GULP1: variants seen among roughly 807,000 people sequenced by gnomAD.
GULP1 encodes GULP PTB domain containing engulfment adaptor 1.
Under a neutral mutation model 40.9 loss-of-function variants are expected in GULP1, and 19 were observed. The observed-to-expected ratio is 0.46, with a 90% CI of 0.32 to 0.68. The LOEUF (loss-of-function observed/expected upper bound fraction) is 0.68. GULP1 is among the 30% of genes least tolerant of loss of function. The probability of loss-of-function intolerance (pLI) is 0.03; values close to 1 mark genes in which losing one functional copy is unlikely to be tolerated. For synonymous variants in GULP1, 119 were observed against 117.6 expected (o/e 1.01, Z -0.08); for missense variants, 312 against 362.2 (o/e 0.86, Z 1.12).
intron 1 of GULP1, among the ~76,000 whole-genome samples, chr2:188,339,362 A>C (rs1230122922): frequency 6.6e-6 from 1 of 152,138 alleles, no homozygotes; most frequent in Admixed American, 6.5e-5. Context: ...TTTCAAGTTT[A>C]TAGTCACTTG....
intron 1 of GULP1, among the ~76,000 whole-genome samples, chr2:188,312,827 A>C (rs7577265): frequency 0.093 from 14,085 of 151,902 alleles, 1,085 homozygotes; most frequent in African/African-American, 0.2. Context: ...TGACTTTTTA[A>C]TAATCGCCAT....
intron 2 of GULP1, among the ~76,000 whole-genome samples, chr2:188,401,580 T>A (rs1426569662): frequency 6.6e-6 from 1 of 152,116 alleles, no homozygotes. Flanking sequence ...TGAGCATCTT[T>A]TGATTTATGA....
intron 2 of GULP1, among the ~76,000 whole-genome samples, chr2:188,472,523 G>A (rs1055086815): frequency 6.6e-6 from 1 of 151,744 alleles, no homozygotes; most frequent in East Asian, 1.9e-4. Context: ...TTGGCTTCAG[G>A]CTCATTAATT....
chr2:188,466,181 A>G lies in GULP1; in HGVS notation c.-44-11478A>G, dbSNP rs534109257. On this transcript the variant is annotated intron_variant, in intron 2 of 11. Transcript: ENST00000409830. The stretch of plus-strand genomic sequence containing the variant: ...CATTTTTCAGGCTTTCTTTTTGTAG[A>G]GCTCTCAATATCATTTAATCATGTT... Among the ~76,000 whole-genome samples the G allele has an allele frequency of 3.3e-5, 5 of 152,168 alleles. No homozygotes were observed. In the South Asian group the frequency reaches 1.0e-3, roughly 32 times the overall value.
chr2:188,461,688 G>T lies in GULP1; in HGVS notation c.-44-15971G>T, dbSNP rs145777907. 6.2e-3 allele frequency among the ~76,000 whole-genome samples: 939 copies of T among 151,994 alleles called. 13 individuals are homozygous for T. Among genetic ancestry groups the T allele is most frequent in the African/African-American group, 0.022 (903 of 41,434 alleles). ...TGAATTTCTTCCTGGTTCAATCTTG[G>T]TAGGTTGTATGTGTCTAGGAATTTG... On this transcript the variant is annotated intron_variant, in intron 2 of 11. Transcript: ENST00000409830.
At chr2:188,419,548 C>T (rs1348864331) in intron 2 of GULP1, among the ~76,000 whole-genome samples, 1 of 150,288 alleles carries the variant, frequency 6.7e-6, no homozygotes, top group Admixed American at 6.6e-5. Context: ...TTTAATTGGG[C>T]CATTTGTGTT....
intron 7 of GULP1, among the ~76,000 whole-genome samples, chr2:188,562,190 C>T (rs1007678927): frequency 1.3e-5 from 2 of 152,194 alleles, no homozygotes; most frequent in African/African-American, 4.8e-5. Flanking sequence ...CTAGTGCAAG[C>T]TCCCTCCTGG....
intron 1 of GULP1, among the ~76,000 whole-genome samples, chr2:188,358,167 CG>C (rs1009454635): frequency 3.9e-5 from 6 of 152,038 alleles, no homozygotes; most frequent in Admixed American, 3.3e-4. Flanking sequence ...GGTGACAGAG[CG>C]AGACTCCATC....
At chr2:188,344,957 A>G (rs887121253) in intron 1 of GULP1, among the ~76,000 whole-genome samples, 2 of 152,032 alleles carry the variant, frequency 1.3e-5, no homozygotes, top group African/African-American at 4.8e-5. Flanking sequence ...TAAAAAAAGT[A>G]TAGCTTTGTT....
chr2:188,417,390 A>G (rs1247598050), intron 2 of GULP1, among the ~76,000 whole-genome samples: 2 of 152,172 alleles, frequency 1.3e-5, no homozygotes, highest in Non-Finnish European at 2.9e-5. Flanking sequence ...CCTATTCTAG[A>G]TTATGGAAAT....
intron 1 of GULP1, among the ~76,000 whole-genome samples, chr2:188,342,475 C>T (rs2043102885): frequency 6.6e-6 from 1 of 152,044 alleles, no homozygotes; most frequent in African/African-American, 2.4e-5. Flanking sequence ...ATTTTTTTAA[C>T]CTTATGAAGT....
chr2:188,444,721 A>G (rs1329708984), intron 2 of GULP1, among the ~76,000 whole-genome samples: 1 of 152,180 alleles, frequency 6.6e-6, no homozygotes. Context: ...CAAGTTCAGT[A>G]CTTTGTAGAT....
chr2:188,481,808 T>C (rs1035149578), intron 3 of GULP1, among the ~76,000 whole-genome samples: 4 of 151,978 alleles, frequency 2.6e-5, no homozygotes, highest in Non-Finnish European at 5.9e-5. Context: ...GACATCTTAG[T>C]TTTCCTAAAG....
chr2:188,318,160 T>A (rs1299424651), intron 1 of GULP1, among the ~76,000 whole-genome samples: 1 of 152,198 alleles, frequency 6.6e-6, no homozygotes, highest in African/African-American at 2.4e-5. Context: ...GTGCAGTTAT[T>A]CTTGTTCAGA....
At chr2:188,391,549 C>T (rs186239539) in intron 2 of GULP1, among the ~76,000 whole-genome samples, 38 of 152,084 alleles carry the variant, frequency 2.5e-4, no homozygotes, top group African/African-American at 7.7e-4. Context: ...ATTACATCAT[C>T]AGTGAATAGT....
chr2:188,391,076 G>T (rs1038863568), intron 2 of GULP1, among the ~76,000 whole-genome samples: 7 of 151,950 alleles, frequency 4.6e-5, no homozygotes, highest in African/African-American at 7.2e-5. Context: ...GCTTAGGATT[G>T]CTTTGGCTGT....
chr2:188,576,535 T>C (rs1700210511), intron 9 of GULP1, among the ~76,000 whole-genome samples: 1 of 152,214 alleles, frequency 6.6e-6, no homozygotes, highest in Non-Finnish European at 1.5e-5. Flanking sequence ...AAAATTGATA[T>C]GAATATATAA....
chr2:188,497,017 A>C (rs1000129696), intron 4 of GULP1, among the ~76,000 whole-genome samples: 5 of 151,970 alleles, frequency 3.3e-5, no homozygotes, highest in African/African-American at 9.7e-5. Flanking sequence ...CAGAACTGTG[A>C]GCCAATTAAA....
rs567801113 is a variant in GULP1 at position 188,463,875 on chromosome 2, T to C, written c.-44-13784T>C. ...TTCTTTTTAATTATTTCAATGTCTTTTTTAAATTTATCTGATAGAATTTTG... is the reference window on the plus strand; with the variant it reads ...TTCTTTTTAATTATTTCAATGTCTTCTTTAAATTTATCTGATAGAATTTTG... On this transcript the variant is annotated intron_variant, in intron 2 of 11. Coordinates refer to ENST00000409830, the MANE Select transcript of GULP1 (RefSeq NM_016315.4). 4.6e-5 allele frequency among the ~76,000 whole-genome samples: 7 copies of C among 152,310 alleles called. No individual in the cohort carries two copies. The South Asian group carries it at 1.4e-3, about 32-fold the overall frequency.
Sources: allele counts gnomAD v4.1 joint callset (sites outside exome capture counted in the v4.1 genomes callset), GRCh38; gene constraint gnomAD v4.1.1; transcripts MANE v1.5; gene names NCBI Gene and HGNC (gene_info 2026-07-23, HGNC 2026-07-21).